Variants in LSAMP observed in about 807,000 individuals in gnomAD.
The protein encoded by LSAMP is limbic system-associated membrane protein.
In LSAMP, 7 loss-of-function variants were observed where a neutral mutation model predicts 38.6. The ratio of observed to expected loss-of-function variants is 0.18; its 90% CI spans 0.10 to 0.34. The LOEUF is 0.34. Ranked by LOEUF, LSAMP falls within the 10% of genes least tolerant of loss-of-function variation. The pLI, the probability that LSAMP is intolerant of heterozygous loss-of-function variation, is 1.00. For synonymous variants in LSAMP, 154 were observed against 166.8 expected (o/e 0.92, Z 0.59); for missense variants, 313 against 420.0 (o/e 0.75, Z 2.23).
At chr3:116,109,261 G>A (rs1289180818) in intron 1 of LSAMP, among the ~76,000 whole-genome samples, 5 of 152,182 alleles carry the variant, frequency 3.3e-5, no homozygotes, top group Non-Finnish European at 5.9e-5. Flanking sequence ...GTCACCGAAC[G>A]AAACTGTAAG....
chr3:115,846,476 A>C (rs1156712635), intron 4 of LSAMP, among the ~76,000 whole-genome samples: 1 of 152,192 alleles, frequency 6.6e-6, no homozygotes, highest in Non-Finnish European at 1.5e-5. Context: ...AGAAAATTTA[A>C]TGTATAGTCA....
At chr3:116,021,515 G>T (rs912241880) in intron 2 of LSAMP, among the ~76,000 whole-genome samples, 3 of 152,106 alleles carry the variant, frequency 2.0e-5, no homozygotes, top group Admixed American at 6.6e-5. Flanking sequence ...ATAAATCAAT[G>T]ATAGTGTTTC....
chr3:116,206,818 TTC>T (rs2046076032), intron 1 of LSAMP, among the ~76,000 whole-genome samples: 1 of 151,502 alleles, frequency 6.6e-6, no homozygotes, highest in African/African-American at 2.4e-5. Context: ...AGAGCTTTAC[TTC>T]CAAGTATGTG....
At chr3:116,278,320 G>A (rs566810048) in intron 1 of LSAMP, among the ~76,000 whole-genome samples, 2 of 151,806 alleles carry the variant, frequency 1.3e-5, no homozygotes, top group South Asian at 2.1e-4. Context: ...ATTATATATT[G>A]TCTAGGTTTC....
At chr3:116,154,241 C>G (rs1709688840) in intron 1 of LSAMP, among the ~76,000 whole-genome samples, 1 of 152,104 alleles carries the variant, frequency 6.6e-6, no homozygotes, top group Non-Finnish European at 1.5e-5. Flanking sequence ...ATTGGCCTGT[C>G]TTGAGGAGCT....
At chr3:116,260,375 A>G (rs1489425347) in intron 1 of LSAMP, among the ~76,000 whole-genome samples, 1 of 152,064 alleles carries the variant, frequency 6.6e-6, no homozygotes, top group Non-Finnish European at 1.5e-5. Context: ...GACCTCACAT[A>G]CACATTTTTT....
At chr3:116,031,538 C>CTTTTTTTTTT (rs56951507) in intron 2 of LSAMP, among the ~76,000 whole-genome samples, 17 of 60,276 alleles carry the variant, frequency 2.8e-4, no homozygotes, top group Non-Finnish European at 3.8e-4. Flanking sequence ...AGCCTAAATT[C>CTTTTTTTTTT]TTTTTTTTTT....
At chr3:116,117,124 G>C (rs999732157) in intron 1 of LSAMP, among the ~76,000 whole-genome samples, 11 of 152,150 alleles carry the variant, frequency 7.2e-5, no homozygotes, top group African/African-American at 2.7e-4. Flanking sequence ...GACTTATATG[G>C]ACTATCACAG....
At chr3:116,178,775 A>C (rs1358318771) in intron 1 of LSAMP, among the ~76,000 whole-genome samples, 2 of 152,140 alleles carry the variant, frequency 1.3e-5, no homozygotes, top group African/African-American at 4.8e-5. Context: ...AAAATAAATA[A>C]ATTTTAAAAT....
intron 3 of LSAMP, among the ~76,000 whole-genome samples, chr3:115,972,737 A>C (rs13321223): frequency 0.014 from 2,135 of 151,474 alleles, 25 homozygotes; most frequent in Non-Finnish European, 0.022. Context: ...TTGGCTGAAT[A>C]AACAAACCCA....
chr3:116,314,058 T>C (rs189821750), intron 1 of LSAMP, among the ~76,000 whole-genome samples: 1 of 152,340 alleles, frequency 6.6e-6, no homozygotes, highest in East Asian at 1.9e-4. Context: ...ATGCAGTTAC[T>C]ATTTTACACA....
chr3:116,175,212 G>T (rs1488738772), intron 1 of LSAMP, among the ~76,000 whole-genome samples: 1 of 151,892 alleles, frequency 6.6e-6, no homozygotes. Context: ...AAGGCCAAGG[G>T]TTTGCTTGCT....
intron 4 of LSAMP, among the ~76,000 whole-genome samples, chr3:115,852,205 C>T (rs1274089941): frequency 2.0e-5 from 3 of 152,182 alleles, no homozygotes; most frequent in Non-Finnish European, 2.9e-5. Flanking sequence ...TAGTGACCGC[C>T]AGCAATGTTA....
chr3:115,970,247 T>C (rs1208632858), intron 3 of LSAMP, among the ~76,000 whole-genome samples: 1 of 152,220 alleles, frequency 6.6e-6, no homozygotes, highest in Non-Finnish European at 1.5e-5. Flanking sequence ...AGGTGTTTCA[T>C]CTTTTGAAAT....
intron 1 of LSAMP, among the ~76,000 whole-genome samples, chr3:116,315,124 T>G (rs1314243598): frequency 6.6e-6 from 1 of 152,216 alleles, no homozygotes; most frequent in Middle Eastern, 3.2e-3. Context: ...CTTCCAGGCT[T>G]TGTAGCCTCC....
intron 1 of LSAMP, among the ~76,000 whole-genome samples, chr3:116,212,976 G>A (rs1016636588): frequency 6.6e-6 from 1 of 152,206 alleles, no homozygotes; most frequent in African/African-American, 2.4e-5. Flanking sequence ...AGAAGTTCCA[G>A]TAATGTAAGA....
At chr3:116,315,153 T>C (rs540580999) in intron 1 of LSAMP, among the ~76,000 whole-genome samples, 1 of 152,256 alleles carries the variant, frequency 6.6e-6, no homozygotes, top group South Asian at 2.1e-4. Flanking sequence ...GCTTATTCTA[T>C]CCCCTCCACC....
At chr3:116,102,472 G>A (rs1259477201) in intron 1 of LSAMP, among the ~76,000 whole-genome samples, 2 of 152,190 alleles carry the variant, frequency 1.3e-5, no homozygotes, top group Admixed American at 1.3e-4. Flanking sequence ...CTGTGAGGGT[G>A]TTTCTGGATG....
chr3:116,401,191 C>T (rs182832940), intron 1 of LSAMP, among the ~76,000 whole-genome samples: 1 of 152,300 alleles, frequency 6.6e-6, no homozygotes, highest in Non-Finnish European at 1.5e-5. Context: ...CCATATAAAA[C>T]CCCAGAGAGA....
Sources: gnomAD v4.1 joint callset for allele counts (sites outside exome capture counted in the v4.1 genomes callset) on GRCh38, gnomAD v4.1.1 for gene constraint, MANE v1.5 for transcripts, NCBI Gene and HGNC (gene_info 2026-07-23, HGNC 2026-07-21) for gene names.